ARHGAP25: variants seen among roughly 807,000 people sequenced by gnomAD.
ARHGAP25 encodes the protein rho GTPase-activating protein 25.
A neutral mutation model predicts 71.0 loss-of-function variants in ARHGAP25; 34 were observed. The ratio of observed to expected loss-of-function variants is 0.48; its 90% CI spans 0.36 to 0.64. ARHGAP25 has a LOEUF of 0.64. ARHGAP25 is among the 30% of genes least tolerant of loss of function. The probability of loss-of-function intolerance (pLI) is 0.00; values close to 1 mark genes in which losing one functional copy is unlikely to be tolerated. For synonymous variants in ARHGAP25, 282 were observed against 296.5 expected (o/e 0.95, Z 0.50); for missense variants, 706 against 805.1 (o/e 0.88, Z 1.49).
chr2:68,721,032 C>A (rs1462307422), intron 2 of ARHGAP25, among the ~76,000 whole-genome samples: 1 of 152,200 alleles, frequency 6.6e-6, no homozygotes, highest in Non-Finnish European at 1.5e-5. Context: ...CTTTTTCCCT[C>A]CTTATGTCCC....
intron 1 of ARHGAP25, among the ~76,000 whole-genome samples, chr2:68,744,973 A>C (rs1212507392): frequency 6.6e-6 from 1 of 152,244 alleles, no homozygotes; most frequent in Non-Finnish European, 1.5e-5. Flanking sequence ...ATAAGATTCC[A>C]GATAAAAATC....
chr2:68,719,751 A>C (rs1674708706), intron 2 of ARHGAP25, among the ~76,000 whole-genome samples: 1 of 152,198 alleles, frequency 6.6e-6, no homozygotes, highest in South Asian at 2.1e-4. Flanking sequence ...TCTTATAAGA[A>C]TACCCCACAG....
rs1221116444 is a variant in ARHGAP25, at chr2:68,824,835, G to A, written c.1734-1152G>A. ...GTAAGCAAAGTTCTGAAGATGGATT[G>A]TTACCCACAGAATAGGCCAAGGCCC... On this transcript the variant is annotated intron_variant, in intron 10 of 10. Coordinates refer to ENST00000409202, the MANE Select transcript of ARHGAP25 (RefSeq NM_001007231.3). Among the ~76,000 whole-genome samples the A allele has an allele frequency of 2.0e-5, 3 of 152,186 alleles. No individual in the cohort carries two copies. The East Asian group carries it at 5.8e-4, about 29-fold the overall frequency.
At chr2:68,807,229 G>T in intron 4 of ARHGAP25, 44 bp from the exon 5 acceptor site, 1 of 1,603,026 alleles carries the variant, frequency 6.2e-7, no homozygotes, top group Non-Finnish European at 8.5e-7. Context: ...GTTCATCCAA[G>T]GAAGCACAGA....
chr2:68,803,309 G>A (rs1680143192), intron 4 of ARHGAP25, among the ~76,000 whole-genome samples: 1 of 152,160 alleles, frequency 6.6e-6, no homozygotes, highest in African/African-American at 2.4e-5. Flanking sequence ...AACAACATCA[G>A]TCTTCAGAGA....
chr2:68,778,008 A>T (rs1177131142), intron 2 of ARHGAP25, among the ~76,000 whole-genome samples: 2 of 152,144 alleles, frequency 1.3e-5, no homozygotes, highest in African/African-American at 2.4e-5. Context: ...ACTAAATATG[A>T]TTCTACAATA....
intron 2 of ARHGAP25, among the ~76,000 whole-genome samples, chr2:68,718,871 G>T (rs1458045612): frequency 1.3e-5 from 2 of 152,180 alleles, no homozygotes. Context: ...GAAAGACAAG[G>T]CCATGATTAG....
intron 1 of ARHGAP25, among the ~76,000 whole-genome samples, chr2:68,754,146 T>G (rs990164035): frequency 6.6e-6 from 1 of 152,084 alleles, no homozygotes; most frequent in Non-Finnish European, 1.5e-5. Context: ...CATTTTGAAC[T>G]GCAATCAGGT....
In ARHGAP25 at chr2:68,737,424, T is replaced by G. The variant is rs538220750; in HGVS notation, c.61+2164T>G. ...CCATTGACATTTGGGGTTGGATAGT[T>G]TTTTGTTGTGGGGCCTGTCCTGTGA... On this transcript the variant is annotated intron_variant, in intron 1 of 10. Transcript: ENST00000409202. Among the ~76,000 whole-genome samples, 3 of 152,310 alleles carry G rather than the reference T, an allele frequency of 2.0e-5. No homozygotes were observed. In the South Asian group the frequency reaches 6.2e-4, roughly 32 times the overall value.
At chr2:68,746,366 G>T (rs1038967471) in intron 1 of ARHGAP25, among the ~76,000 whole-genome samples, 2 of 152,116 alleles carry the variant, frequency 1.3e-5, no homozygotes, top group Non-Finnish European at 2.9e-5. Context: ...ATTTTAGAGG[G>T]TCCTGCTCTT....
intron 4 of ARHGAP25, among the ~76,000 whole-genome samples, chr2:68,788,536 C>T (rs1433537302): frequency 6.6e-6 from 1 of 152,214 alleles, no homozygotes; most frequent in Non-Finnish European, 1.5e-5. Context: ...TTCTGGGTTT[C>T]ACAACTCAAG....
chr2:68,812,245 A>G (rs1350106650), intron 5 of ARHGAP25, among the ~76,000 whole-genome samples: 1 of 104,666 alleles, frequency 9.6e-6, no homozygotes, highest in African/African-American at 3.9e-5. Flanking sequence ...TTTTTACATC[A>G]CGACACACTC....
Position 68,826,161 on chromosome 2 carries a change from C to T in ARHGAP25, c.1908C>T (p.Val636=), listed in dbSNP as rs1365188174. 2 of 1,613,998 alleles carry T rather than the reference C, an allele frequency of 1.2e-6. No individual in the cohort carries two copies. Among genetic ancestry groups the T allele is most frequent in the Non-Finnish European group, 1.7e-6 (2 of 1,180,034 alleles). ...TGGAAGAAGAAGTCAAGGAATTTGTCAAATCCATGAAGGAACCCAAGACCG... is the reference window on the plus strand; with the variant it reads ...TGGAAGAAGAAGTCAAGGAATTTGTTAAATCCATGAAGGAACCCAAGACCG... The part of the protein sequence containing the change: ...KALEEEVKEF[V]KSMKEPKTEA Residue 636 remains valine, a synonymous_variant, in exon 11 of 11, where the codon GTC becomes GTT. Coordinates refer to ENST00000409202, the MANE Select transcript of ARHGAP25 (RefSeq NM_001007231.3).
chr2:68,783,551 C>A (rs1185218102), intron 3 of ARHGAP25, among the ~76,000 whole-genome samples: 1 of 151,858 alleles, frequency 6.6e-6, no homozygotes, highest in Non-Finnish European at 1.5e-5. Flanking sequence ...CAGCCTCTGC[C>A]TCCCCAGTTC....
intron 1 of ARHGAP25, chr2:68,757,816 C>A (rs977833192): frequency 3.3e-5 from 5 of 151,958 alleles, no homozygotes; most frequent in African/African-American, 1.2e-4. Context: ...ATTTAAGGGG[C>A]AATCATTTTA....
At chr2:68,821,114 T>C (rs1302388102) in intron 9 of ARHGAP25, among the ~76,000 whole-genome samples, 1 of 124,362 alleles carries the variant, frequency 8.0e-6, no homozygotes, top group Non-Finnish European at 1.7e-5. Context: ...TTTTTTTTTT[T>C]GTGACAGGGT....
intron 9 of ARHGAP25, among the ~76,000 whole-genome samples, chr2:68,821,451 C>A (rs1387268076): frequency 6.6e-6 from 1 of 152,132 alleles, no homozygotes; most frequent in Non-Finnish European, 1.5e-5. Context: ...TCTGGGACCT[C>A]CTTTTGTACT....
Position 68,826,369 on chromosome 2 carries a change from G to A in ARHGAP25, c.*175G>A, listed in dbSNP as rs755797819. On this transcript the variant is annotated 3_prime_UTR_variant, in exon 11 of 11. Transcript: ENST00000409202. ...GGAGTTTGCAGGAAGGTGAGGGTGA[G>A]CAGAGATGTGTGTGGACATCTCTGA... is the stretch of plus-strand genomic sequence containing the variant. The A allele has an allele frequency of 1.5e-4, 104 of 714,032 alleles. No individual in the cohort carries two copies. Among genetic ancestry groups the A allele is most frequent in the Non-Finnish European group, 2.3e-4 (93 of 397,724 alleles). The allele number at this position is 714,032 out of a possible 1,614,324, so 44.2% of individuals were successfully genotyped here. A position where few individuals can be genotyped will look rare whatever the true frequency, so the allele number is the denominator to read the frequency against.
chr2:68,780,992 C>T (rs1278601327), intron 2 of ARHGAP25, among the ~76,000 whole-genome samples: 2 of 152,192 alleles, frequency 1.3e-5, no homozygotes, highest in African/African-American at 4.8e-5. Context: ...TTACTTTGTG[C>T]AGTCACTTAG....
Sources: gnomAD v4.1 joint callset for allele counts (sites outside exome capture counted in the v4.1 genomes callset) on GRCh38, gnomAD v4.1.1 for gene constraint, MANE v1.5 for transcripts, NCBI Gene and HGNC (gene_info 2026-07-23, HGNC 2026-07-21) for gene names.